NEK1: variants seen among roughly 807,000 people sequenced by gnomAD.
The protein encoded by NEK1 is NIMA related kinase 1.
In NEK1, 137 loss-of-function variants were observed where a neutral mutation model predicts 182.1. The ratio of observed to expected loss-of-function variants is 0.75; its 90% confidence interval spans 0.65 to 0.87. NEK1 has a LOEUF of 0.87. Among genes scored for constraint, NEK1 ranks in the 40% least tolerant of loss-of-function variants. The pLI is 0.00. For missense variants in NEK1, 1,391 were observed against 1,494.4 expected (o/e 0.93, Z 1.14); for synonymous variants, 513 against 492.2 (o/e 1.04, Z -0.56).
At chr4:169,467,267 G>A (rs1419425471) in intron 26 of NEK1, among the ~76,000 whole-genome samples, 1 of 151,998 alleles carries the variant, frequency 6.6e-6, no homozygotes, top group African/African-American at 2.4e-5. Context: ...GGAGTTAAGA[G>A]TTACACACAG....
chr4:169,553,886 T>C (rs985777107), intron 18 of NEK1, among the ~76,000 whole-genome samples: 5 of 152,230 alleles, frequency 3.3e-5, no homozygotes, highest in African/African-American at 1.2e-4. Context: ...TAATCACTGC[T>C]GGCAGGAACG....
At chr4:169,596,970 A>T (rs892787653) in intron 5 of NEK1, among the ~76,000 whole-genome samples, 2 of 152,096 alleles carry the variant, frequency 1.3e-5, no homozygotes, top group African/African-American at 4.8e-5. Flanking sequence ...CCAGGAAGAC[A>T]AGATACACAC....
chr4:169,558,373 A>G (rs1762440976), intron 16 of NEK1, among the ~76,000 whole-genome samples: 1 of 152,206 alleles, frequency 6.6e-6, no homozygotes, highest in African/African-American at 2.4e-5. Flanking sequence ...TCACATAACC[A>G]CTACTACAAT....
intron 26 of NEK1, among the ~76,000 whole-genome samples, chr4:169,466,900 GT>G (rs1441069551): frequency 2.0e-5 from 3 of 151,952 alleles, no homozygotes; most frequent in Non-Finnish European, 4.4e-5. Flanking sequence ...GGGAACAAAT[GT>G]AAGTACAGGT....
intron 9 of NEK1, 37 bp from the exon 10 acceptor site, chr4:169,585,586 A>G (rs1304741377): frequency 1.5e-6 from 2 of 1,371,698 alleles, no homozygotes; most frequent in East Asian, 2.3e-5. Context: ...TAGGAAACAT[A>G]TATAAATTGA....
intron 27 of NEK1, among the ~76,000 whole-genome samples, chr4:169,456,445 C>T (rs1742900970): frequency 6.6e-6 from 1 of 151,874 alleles, no homozygotes; most frequent in South Asian, 2.1e-4. Context: ...AAAAGATGAA[C>T]AAAATCAACA....
chr4:169,509,493 T>C (rs1753848141), intron 19 of NEK1, among the ~76,000 whole-genome samples: 2 of 152,144 alleles, frequency 1.3e-5, no homozygotes, highest in Non-Finnish European at 2.9e-5. Context: ...TGTCTTTTTA[T>C]TGGCTTATTG....
At chr4:169,428,432 G>A (rs1736823532) in intron 29 of NEK1, among the ~76,000 whole-genome samples, 1 of 146,166 alleles carries the variant, frequency 6.8e-6, no homozygotes, top group Non-Finnish European at 1.5e-5. Flanking sequence ...CAACATGGAT[G>A]AAAAACTAAA....
chr4:169,437,649 T>C (rs902832663), intron 28 of NEK1, among the ~76,000 whole-genome samples: 1 of 152,166 alleles, frequency 6.6e-6, no homozygotes, highest in African/African-American at 2.4e-5. Flanking sequence ...CAGACTATCC[T>C]GCCAGAAAGA....
intron 31 of NEK1, among the ~76,000 whole-genome samples, chr4:169,423,940 T>C (rs1288041169): frequency 6.6e-6 from 1 of 152,156 alleles, no homozygotes; most frequent in Non-Finnish European, 1.5e-5. Flanking sequence ...ATATATTGAA[T>C]AGAAAAGGTT....
intron 29 of NEK1, 69 bp downstream of exon 29, chr4:169,433,476 A>C (rs1213865059): frequency 7.0e-7 from 1 of 1,420,074 alleles, no homozygotes; most frequent in Non-Finnish European, 9.7e-7. Context: ...TTAGCTTATT[A>C]TAGTATTTTC....
chr4:169,501,937 T>C lies in NEK1; in HGVS notation c.2007+5100A>G, dbSNP rs183486381. 2.8e-4 allele frequency among the ~76,000 whole-genome samples: 43 copies of C among 151,600 alleles called. No homozygotes were observed. In the East Asian group the frequency reaches 7.9e-3, roughly 28 times the overall value. On this transcript the variant is annotated intron_variant, in intron 23 of 35. Coordinates refer to ENST00000507142, the MANE Select transcript of NEK1 (RefSeq NM_001199397.3). ...AAATTAAATTGAGACCAAACAGCCATAGAAAAGATCAAAGAAAAGTTGGTT... is the reference window on the plus strand; with the variant it reads ...AAATTAAATTGAGACCAAACAGCCACAGAAAAGATCAAAGAAAAGTTGGTT...
intron 23 of NEK1, among the ~76,000 whole-genome samples, chr4:169,498,795 C>T (rs774521274): frequency 1.4e-4 from 22 of 152,298 alleles, no homozygotes; most frequent in South Asian, 4.1e-4. Flanking sequence ...GATGGGCTTC[C>T]GTTTGTAGGT....
At chr4:169,437,743 T>G (rs934390224) in intron 28 of NEK1, among the ~76,000 whole-genome samples, 1 of 152,320 alleles carries the variant, frequency 6.6e-6, no homozygotes, top group Non-Finnish European at 1.5e-5. Context: ...TGAAGCTTTT[T>G]GGGACCCTTC....
At chr4:169,575,215 A>G (rs529391822) in intron 12 of NEK1, among the ~76,000 whole-genome samples, 5 of 152,340 alleles carry the variant, frequency 3.3e-5, no homozygotes, top group African/African-American at 9.6e-5. Context: ...CTTTTTAAAG[A>G]TAGATAAAAC....
chr4:169,570,944 G>T (rs933721368), intron 12 of NEK1, among the ~76,000 whole-genome samples: 1 of 152,056 alleles, frequency 6.6e-6, no homozygotes, highest in Non-Finnish European at 1.5e-5. Flanking sequence ...TAAGGGCGGT[G>T]CAAGATGTGC....
At chr4:169,494,470 G>C (rs1580187960) in intron 23 of NEK1, among the ~76,000 whole-genome samples, 1 of 152,152 alleles carries the variant, frequency 6.6e-6, no homozygotes. Flanking sequence ...GTGTATATGT[G>C]CCACATATTC....
At chr4:169,570,788 T>G (rs897428100) in intron 12 of NEK1, among the ~76,000 whole-genome samples, 5 of 152,204 alleles carry the variant, frequency 3.3e-5, no homozygotes, top group Non-Finnish European at 7.3e-5. Context: ...CGTGTCTGTG[T>G]AGAAAGAAGT....
intron 23 of NEK1, among the ~76,000 whole-genome samples, chr4:169,505,950 G>A (rs1753181364): frequency 2.0e-5 from 3 of 151,986 alleles, no homozygotes; most frequent in Admixed American, 2.0e-4. Flanking sequence ...CAAAATTTGT[G>A]TAAGAGATAT....
Sources: allele counts gnomAD v4.1 joint callset (sites outside exome capture counted in the v4.1 genomes callset), GRCh38; gene constraint gnomAD v4.1.1; transcripts MANE v1.5; gene names NCBI Gene and HGNC (gene_info 2026-07-23, HGNC 2026-07-21).